The following TENM1 variants were observed in gnomAD, a reference collection of about 807,000 sequenced individuals.
TENM1 encodes the protein teneurin-1.
In TENM1, 35 loss-of-function variants were observed where a neutral mutation model predicts 174.8. That is an observed-to-expected ratio of 0.20 (90% CI 0.15 to 0.27). The LOEUF is 0.27. Among genes scored for constraint, TENM1 ranks in the 10% least tolerant of loss-of-function variants. The pLI is 1.00. For synonymous variants in TENM1, 781 were observed against 798.7 expected (o/e 0.98, Z 0.37); for missense variants, 1,633 against 2,130.1 (o/e 0.77, Z 4.59).
chrX:124,466,128 G>A (rs1458667214), intron 22 of TENM1, among the ~76,000 whole-genome samples: 1 of 111,427 alleles, frequency 9.0e-6, no homozygotes, highest in East Asian at 2.8e-4. Flanking sequence ...GATTCCTGTC[G>A]GATAACCAGT....
At chrX:124,591,488 T>C in intron 11 of TENM1, among the ~76,000 whole-genome samples, 1 of 111,864 alleles carries the variant, frequency 8.9e-6, no homozygotes, top group Non-Finnish European at 1.9e-5. Flanking sequence ...TGAAGCATAG[T>C]TTTGTGGGAT....
At chrX:124,723,694 G>A (rs1386201687) in intron 4 of TENM1, among the ~76,000 whole-genome samples, 2 of 102,789 alleles carry the variant, frequency 1.9e-5, no homozygotes, top group East Asian at 3.2e-4. Flanking sequence ...TCCGCCTCCC[G>A]GGTTCCAGCG....
chrX:124,466,253 G>A (rs6649234), intron 22 of TENM1, among the ~76,000 whole-genome samples: 4,142 of 111,540 alleles, frequency 0.037, 188 homozygotes, highest in African/African-American at 0.13. Context: ...TCATAAAATA[G>A]ATGATTAAGG....
At chrX:125,075,502 A>T in the TENM1 span, among the ~76,000 whole-genome samples, 1 of 111,356 alleles carries the variant, frequency 9.0e-6, no homozygotes, top group East Asian at 2.8e-4. Flanking sequence ...TTGTATATAT[A>T]CTTAGGCACA....
At chrX:125,097,888 C>T in the TENM1 span, among the ~76,000 whole-genome samples, 3 of 112,167 alleles carry the variant, frequency 2.7e-5, no homozygotes, top group African/African-American at 9.7e-5. Flanking sequence ...TACTGATATA[C>T]CTTCTGTCAT....
intron 11 of TENM1, among the ~76,000 whole-genome samples, chrX:124,618,259 A>G (rs747722216): frequency 2.7e-5 from 3 of 111,599 alleles, no homozygotes; most frequent in Non-Finnish European, 5.7e-5. Flanking sequence ...TATTATGTAT[A>G]TGTACCTGTG....
intron 3 of TENM1, among the ~76,000 whole-genome samples, chrX:124,752,177 T>C (rs1218969678): frequency 1.8e-5 from 2 of 111,658 alleles, no homozygotes; most frequent in Non-Finnish European, 3.8e-5. Flanking sequence ...TTTTAGTGAT[T>C]GCCATTCTAA....
the TENM1 span, among the ~76,000 whole-genome samples, chrX:125,133,160 AT>A: frequency 1.8e-5 from 2 of 109,569 alleles, no homozygotes; most frequent in Non-Finnish European, 3.8e-5. Flanking sequence ...CGCCTGGCTA[AT>A]TTTTTTGTAT....
intron 24 of TENM1, among the ~76,000 whole-genome samples, chrX:124,421,513 G>A (rs972343854): frequency 9.0e-6 from 1 of 111,591 alleles, no homozygotes; most frequent in Non-Finnish European, 1.9e-5. Flanking sequence ...ACTGCGTGTA[G>A]TATGGAGGGA....
chrX:124,691,831 T>C (rs1389904365), intron 5 of TENM1, among the ~76,000 whole-genome samples: 2 of 111,682 alleles, frequency 1.8e-5, no homozygotes, highest in Non-Finnish European at 3.8e-5. Flanking sequence ...TTTTCTTTTA[T>C]TGATGTGAAT....
At chrX:124,975,039 G>A in the TENM1 span, among the ~76,000 whole-genome samples, 4 of 106,325 alleles carry the variant, frequency 3.8e-5, no homozygotes, top group African/African-American at 1.4e-4. Flanking sequence ...TTTTTGTAAC[G>A]GTGTAAATAC....
intron 21 of TENM1, among the ~76,000 whole-genome samples, chrX:124,485,763 C>T (rs138229755): frequency 0.032 from 3,566 of 111,400 alleles, 127 homozygotes; most frequent in African/African-American, 0.11. Flanking sequence ...GGAGCTTGTC[C>T]GGGGTCACTA....
chrX:124,846,987 T>A (rs1038656475), intron 3 of TENM1, among the ~76,000 whole-genome samples: 43 of 112,130 alleles, frequency 3.8e-4, no homozygotes, highest in Non-Finnish European at 6.2e-4. Flanking sequence ...AGCTAAGTAA[T>A]GCTAATGCTA....
the TENM1 span, among the ~76,000 whole-genome samples, chrX:124,972,234 A>G: frequency 9.7e-6 from 1 of 102,742 alleles, no homozygotes; most frequent in East Asian, 2.9e-4. Flanking sequence ...CTCCATCTCG[A>G]AAAAAAAAAA....
At chrX:124,493,953 TAAG>T (rs972364636) in intron 20 of TENM1, among the ~76,000 whole-genome samples, 13 of 111,679 alleles carry the variant, frequency 1.2e-4, no homozygotes, top group African/African-American at 3.9e-4. Flanking sequence ...CTACTATAAT[TAAG>T]AAATGTATTA....
chrX:124,497,901 T>C (rs765940162), intron 19 of TENM1, among the ~76,000 whole-genome samples: 22 of 111,814 alleles, frequency 2.0e-4, no homozygotes, highest in Non-Finnish European at 3.2e-4. Flanking sequence ...GCAGACATTC[T>C]GTGTGGGCAA....
intron 11 of TENM1, among the ~76,000 whole-genome samples, chrX:124,595,797 A>G (rs1278439315): frequency 8.9e-6 from 1 of 111,810 alleles, no homozygotes; most frequent in Non-Finnish European, 1.9e-5. Context: ...CTTTCCTTGC[A>G]TTTTTAAATG....
chrX:124,903,691 G>A (rs769607933), intron 1 of TENM1, among the ~76,000 whole-genome samples: 1 of 112,080 alleles, frequency 8.9e-6, no homozygotes, highest in Admixed American at 9.5e-5. Flanking sequence ...TTGGATGCTT[G>A]CTCTACAATA....
intron 8 of TENM1, among the ~76,000 whole-genome samples, chrX:124,651,054 A>C (rs948554463): frequency 1.8e-5 from 2 of 112,284 alleles, no homozygotes; most frequent in African/African-American, 6.5e-5. Flanking sequence ...GGTTAACTAA[A>C]GGATAAAGTG....
Sources: allele counts gnomAD v4.1 joint callset (sites outside exome capture counted in the v4.1 genomes callset), GRCh38; gene constraint gnomAD v4.1.1; transcripts MANE v1.5; gene names NCBI Gene and HGNC (gene_info 2026-07-23, HGNC 2026-07-21).